Variants in GPRIN3 observed in about 807,000 individuals in gnomAD.
GPRIN3 encodes G protein-regulated inducer of neurite outgrowth 3.
GPRIN3 carries 12 observed loss-of-function variants against 13.7 expected under a neutral mutation model. The ratio of observed to expected loss-of-function variants is 0.87; its 90% CI spans 0.56 to 1.42. The LOEUF (loss-of-function observed/expected upper bound fraction) is 1.42. GPRIN3 is among the 40% of genes most tolerant of loss of function. The pLI is 0.00. For synonymous variants in GPRIN3, 377 were observed against 372.7 expected (o/e 1.01, Z -0.13); for missense variants, 1,009 against 958.7 (o/e 1.05, Z -0.69).
At chr4:89,261,266 G>A (rs561345989) in intron 1 of GPRIN3, among the ~76,000 whole-genome samples, 3 of 152,242 alleles carry the variant, frequency 2.0e-5, no homozygotes, top group East Asian at 3.9e-4. Context: ...CGCAATGCTG[G>A]CCTCCGCTCC....
At position 89,248,993 on chromosome 4, in the gene GPRIN3, G is replaced by A. The variant is rs201902685; in HGVS notation, c.1118C>T (p.Ser373Phe). 1 of 1,614,178 alleles carries A rather than the reference G, an allele frequency of 6.2e-7. No homozygotes were observed. The highest frequency in any genetic ancestry group is 2.2e-5 in the East Asian group (1 of 44,868). ...CTCCTGGGGGGCTAGCGTGCTGTCA[G>A]AGAGCTCCAGTGTGTGGCTCCCACT... is the stretch of plus-strand genomic sequence containing the variant. ...HSSGSHTLEL[S>F]DSTLAPQESS... Residue 373 changes from serine to phenylalanine, a missense_variant, in exon 2 of 2, where the codon TCT becomes TTT. Physicochemically the swap from Ser to Phe is radical, Grantham distance 155 (BLOSUM62 -2). Coordinates refer to ENST00000609438, the MANE Select transcript of GPRIN3 (RefSeq NM_198281.3).
chr4:89,251,210 AGAT>A (rs1392346542), intron 1 of GPRIN3: 4 of 152,204 alleles, frequency 2.6e-5, no homozygotes, highest in African/African-American at 9.6e-5. Flanking sequence ...GCTTATGAAA[AGAT>A]GATCAAATTC....
chr4:89,275,206 G>C (rs1399455437), intron 1 of GPRIN3, among the ~76,000 whole-genome samples: 2 of 151,896 alleles, frequency 1.3e-5, no homozygotes, highest in Admixed American at 1.3e-4. Context: ...ACACATAGGG[G>C]ATGGGTGGGA....
In GPRIN3 at chr4:89,248,186, A is replaced by G; in HGVS notation, c.1925T>C (p.Leu642Pro). Residue 642 changes from leucine to proline, a missense_variant, in exon 2 of 2, where the codon CTC becomes CCC. Transcript: ENST00000609438. The stretch of plus-strand genomic sequence containing the variant: ...TGTCACATTTAACTTTTGCTCCTTG[A>G]GGAACTCGCTGACGCGGCTGGGCCT... ...PRRPSRVSEFLKEQKLNVTAA... is the reference protein window; with the variant it reads ...PRRPSRVSEFPKEQKLNVTAA... The G allele has an allele frequency of 6.2e-7, 1 of 1,614,128 alleles. No homozygotes were observed. The highest frequency in any genetic ancestry group is 2.2e-5 in the East Asian group (1 of 44,868).
chr4:89,256,474 A>G (rs1433119091), intron 1 of GPRIN3, among the ~76,000 whole-genome samples: 2 of 152,188 alleles, frequency 1.3e-5, no homozygotes, highest in African/African-American at 2.4e-5. Flanking sequence ...GAGAGGCAGC[A>G]GGGAATCTCA....
intron 1 of GPRIN3, among the ~76,000 whole-genome samples, chr4:89,302,812 C>T (rs1020779228): frequency 3.3e-5 from 5 of 151,994 alleles, no homozygotes; most frequent in African/African-American, 1.2e-4. Flanking sequence ...TAGATTATCA[C>T]TAATTTGAAC....
In GPRIN3 at chr4:89,240,369, T is replaced by A. The variant is rs985094371; in HGVS notation, c.*7411A>T. Reference sequence around the variant, plus strand: ...TCTGCAATTTTTTTTCATTTAAATCTTTGACTTCTCTTCGGTGTTGGTAGG... The same window carrying A: ...TCTGCAATTTTTTTTCATTTAAATCATTGACTTCTCTTCGGTGTTGGTAGG... On this transcript the variant is annotated 3_prime_UTR_variant, in exon 2 of 2. Coordinates refer to ENST00000609438, the MANE Select transcript of GPRIN3 (RefSeq NM_198281.3). 5 of 152,194 alleles carry A rather than the reference T, an allele frequency of 3.3e-5. No homozygotes were observed. In the South Asian group the frequency reaches 1.0e-3, roughly 32 times the overall value. 9.4% of individuals were successfully genotyped at this position (152,194 alleles called of 1,614,324 possible). A position where few individuals can be genotyped will look rare whatever the true frequency, so the allele number is the denominator to read the frequency against.
At chr4:89,287,969 A>G (rs1159176030) in intron 1 of GPRIN3, among the ~76,000 whole-genome samples, 1 of 152,228 alleles carries the variant, frequency 6.6e-6, no homozygotes, top group Non-Finnish European at 1.5e-5. Flanking sequence ...TGTATCACAT[A>G]ATGACCAAAA....
In GPRIN3 at chr4:89,252,732, A is replaced by G. The variant is rs370465980; in HGVS notation, c.-123-2499T>C. On this transcript the variant is annotated intron_variant, in intron 1 of 1. Transcript: ENST00000609438. ...TTCATTCTTTATATGAATAGGTTGA[A>G]TATTTTCCCATCCCTGGTCTTAACT... 1.8e-4 allele frequency among the ~76,000 whole-genome samples: 28 copies of G among 152,284 alleles called. No individual in the cohort carries two copies. The East Asian group carries it at 5.4e-3, about 29-fold the overall frequency.
chr4:89,300,411 C>T (rs1019976379), intron 1 of GPRIN3, among the ~76,000 whole-genome samples: 1 of 152,078 alleles, frequency 6.6e-6, no homozygotes, highest in Non-Finnish European at 1.5e-5. Flanking sequence ...CTGTTCAGCT[C>T]CAGCCTAGAG....
intron 1 of GPRIN3, among the ~76,000 whole-genome samples, chr4:89,295,072 T>C (rs1724695059): frequency 6.6e-6 from 1 of 152,168 alleles, no homozygotes; most frequent in South Asian, 2.1e-4. Context: ...CTTATAAAGA[T>C]TTCTAACAGA....
At chr4:89,292,824 A>G (rs1261495245) in intron 1 of GPRIN3, among the ~76,000 whole-genome samples, 5 of 152,244 alleles carry the variant, frequency 3.3e-5, no homozygotes, top group Non-Finnish European at 4.4e-5. Flanking sequence ...TTTCTGTAAC[A>G]TTATATTATA....
intron 1 of GPRIN3, among the ~76,000 whole-genome samples, chr4:89,268,687 G>A (rs887930443): frequency 6.6e-6 from 1 of 152,194 alleles, no homozygotes. Context: ...AGTGTAGAAA[G>A]ATGGGAATAG....
intron 1 of GPRIN3, among the ~76,000 whole-genome samples, chr4:89,302,336 A>T (rs1724921685): frequency 6.6e-6 from 1 of 152,212 alleles, no homozygotes; most frequent in African/African-American, 2.4e-5. Context: ...ATTAGTGACT[A>T]GAAACAGTTA....
chr4:89,269,296 C>G (rs1723862822), intron 1 of GPRIN3, among the ~76,000 whole-genome samples: 1 of 152,022 alleles, frequency 6.6e-6, no homozygotes. Flanking sequence ...TAATGAATTT[C>G]TTCAGCAGGC....
chr4:89,248,216 G>C lies in GPRIN3; in HGVS notation c.1895C>G (p.Pro632Arg). Residue 632 changes from proline to arginine, a missense_variant, in exon 2 of 2, where the codon CCA becomes CGA. Pro to Arg is a moderately radical substitution (Grantham distance 103). Transcript: ENST00000609438. ...KTPSRSVKAS[P>R]RRPSRVSEFL... ...CTCGCTGACGCGGCTGGGCCTGCGT[G>C]GGCTGGCTTTGACGGAGCGAGATGG... The C allele has an allele frequency of 6.2e-7, 1 of 1,614,174 alleles. No individual in the cohort carries two copies. Among genetic ancestry groups the C allele is most frequent in the Non-Finnish European group, 8.5e-7 (1 of 1,180,018 alleles).
chr4:89,247,848 A>G lies in GPRIN3; in HGVS notation c.2263T>C (p.Ser755Pro). The G allele has an allele frequency of 6.2e-7, 1 of 1,614,168 alleles. No homozygotes were observed. The change falls in exon 2 of 2, where the codon TCC becomes CCC. Residue 755 changes from serine (S) to proline (P), a missense_variant. Coordinates refer to ENST00000609438, the MANE Select transcript of GPRIN3 (RefSeq NM_198281.3). ...GGGCGTCGGAAGTTCTGCAGCATGG[A>G]CTGGAAAACACTGTGCTGCCTTCCT... ...LRGRQHSVFQ[S>P]MLQNFRRPNC...
Position 89,247,928 on chromosome 4 carries a change from T to C in GPRIN3, c.2183A>G (p.Asn728Ser), listed in dbSNP as rs753486994. 1 of 1,614,126 alleles carries C rather than the reference T, an allele frequency of 6.2e-7. No individual in the cohort carries two copies. The highest frequency in any genetic ancestry group is 1.1e-5 in the South Asian group (1 of 91,084). Residue 728 changes from asparagine to serine, a missense_variant, in exon 2 of 2, where the codon AAT becomes AGT. Coordinates refer to ENST00000609438, the MANE Select transcript of GPRIN3 (RefSeq NM_198281.3). Reference protein sequence around the residue: ...REHEKLIKTQNSQTRRSISSD... With the variant: ...REHEKLIKTQSSQTRRSISSD... The stretch of plus-strand genomic sequence containing the variant: ...GGAAATGGATCTCCGGGTCTGGCTA[T>C]TTTGAGTTTTGATTAATTTCTCATG...
chr4:89,282,817 G>C (rs1578103991), intron 1 of GPRIN3, among the ~76,000 whole-genome samples: 1 of 152,046 alleles, frequency 6.6e-6, no homozygotes, highest in Non-Finnish European at 1.5e-5. Context: ...CCACTTTGCT[G>C]TCATGGGAAC....
Sources: allele counts gnomAD v4.1 joint callset (sites outside exome capture counted in the v4.1 genomes callset), GRCh38; gene constraint gnomAD v4.1.1; transcripts MANE v1.5; gene names NCBI Gene and HGNC (gene_info 2026-07-23, HGNC 2026-07-21).